MORC1: variants seen among roughly 807,000 people sequenced by gnomAD.
MORC1 encodes the protein MORC family CW-type zinc finger 1, also known as MORC family CW-type zinc finger protein 1.
Under a neutral mutation model 134.9 loss-of-function variants are expected in MORC1, and 59 were observed. The observed-to-expected ratio is 0.44, with a 90% CI of 0.35 to 0.54. The LOEUF is 0.54. MORC1 is among the 20% of genes least tolerant of loss of function. The probability of loss-of-function intolerance (pLI) is 0.00; values close to 1 mark genes in which losing one functional copy is unlikely to be tolerated. For synonymous variants in MORC1, 395 were observed against 391.7 expected (o/e 1.01, Z -0.10); for missense variants, 947 against 1,134.5 (o/e 0.83, Z 2.37).
chr3:108,978,356 C>T (rs1947621510), intron 24 of MORC1, among the ~76,000 whole-genome samples: 1 of 152,168 alleles, frequency 6.6e-6, no homozygotes, highest in Admixed American at 6.5e-5. Context: ...GTCTCTGGAT[C>T]CCTAGTGTCA....
chr3:109,049,259 G>T (rs147227413), intron 14 of MORC1: 26 of 371,072 alleles, frequency 7.0e-5, no homozygotes, highest in Non-Finnish European at 9.7e-5. Context: ...AGGTACTACA[G>T]CATTGTCTAT....
intron 22 of MORC1, among the ~76,000 whole-genome samples, chr3:108,985,040 A>AT (rs774230651): frequency 6.6e-5 from 10 of 152,136 alleles, no homozygotes; most frequent in African/African-American, 9.7e-5. Context: ...TTAAATGGAC[A>AT]TTTTTTACCA....
chr3:109,008,273 C>T (rs1025152853), intron 17 of MORC1, among the ~76,000 whole-genome samples: 1 of 151,960 alleles, frequency 6.6e-6, no homozygotes, highest in Non-Finnish European at 1.5e-5. Context: ...AATCAATTTC[C>T]AAAAGTGACA....
At chr3:109,018,237 T>C (rs560414281) in intron 17 of MORC1, among the ~76,000 whole-genome samples, 68 of 152,162 alleles carry the variant, frequency 4.5e-4, no homozygotes, top group Non-Finnish European at 8.8e-4. Flanking sequence ...CTTTTATGTT[T>C]CTGTACAGTT....
chr3:109,044,288 A>C (rs1206032839), intron 14 of MORC1, among the ~76,000 whole-genome samples: 1 of 152,152 alleles, frequency 6.6e-6, no homozygotes, highest in Non-Finnish European at 1.5e-5. Context: ...GGAAAAAAAA[A>C]AGGGAAATAC....
intron 20 of MORC1, 25 bp downstream of exon 20, chr3:109,004,792 T>C (rs749558841): frequency 6.2e-7 from 1 of 1,602,734 alleles, no homozygotes; most frequent in South Asian, 1.1e-5. Context: ...CTCCCTTAAA[T>C]ACAAATTTAA....
chr3:109,039,933 C>T, intron 14 of MORC1, among the ~76,000 whole-genome samples: 1 of 151,936 alleles, frequency 6.6e-6, no homozygotes, highest in Non-Finnish European at 1.5e-5. Context: ...TTATGGAAAC[C>T]AGACATTGAA....
chr3:108,993,203 C>T (rs1370683313), intron 21 of MORC1, among the ~76,000 whole-genome samples: 2 of 152,154 alleles, frequency 1.3e-5, no homozygotes, highest in African/African-American at 4.8e-5. Flanking sequence ...TCCTTCAGCA[C>T]AACAATCAGA....
chr3:109,027,953 A>G, intron 16 of MORC1, 64 bp from the exon 17 acceptor site: 1 of 1,519,724 alleles, frequency 6.6e-7, no homozygotes. Context: ...CTGTCTGTAA[A>G]AGACGATTTA....
chr3:109,082,427 CCAAA>C (rs987744850), intron 8 of MORC1, among the ~76,000 whole-genome samples: 4 of 151,852 alleles, frequency 2.6e-5, no homozygotes, highest in African/African-American at 7.3e-5. Flanking sequence ...CAGGACCTGC[CCAAA>C]CAAAGCAAGG....
chr3:108,996,286 G>GCACGCACACACACACACA (rs1553745331), intron 21 of MORC1, among the ~76,000 whole-genome samples: 1 of 146,382 alleles, frequency 6.8e-6, no homozygotes, highest in East Asian at 2.0e-4. Context: ...GCGCGCGCGC[G>GCACGCACACACACACACA]CACACACACA....
chr3:108,961,624 G>A (rs1449813295), intron 27 of MORC1, among the ~76,000 whole-genome samples: 2 of 152,164 alleles, frequency 1.3e-5, no homozygotes, highest in African/African-American at 4.8e-5. Context: ...CATGTGGGGC[G>A]ATGAGAGTAA....
intron 8 of MORC1, among the ~76,000 whole-genome samples, chr3:109,076,957 C>T (rs1237316292): frequency 1.5e-5 from 2 of 135,634 alleles, no homozygotes; most frequent in Admixed American, 7.9e-5. Context: ...GCACATGTAT[C>T]CCAGAACTTA....
At chr3:109,107,144 G>A (rs577724281) in intron 3 of MORC1, among the ~76,000 whole-genome samples, 1 of 152,180 alleles carries the variant, frequency 6.6e-6, no homozygotes, top group South Asian at 2.1e-4. Flanking sequence ...TCACTCACCA[G>A]GCGAATGTCT....
At chr3:109,103,723 G>A in intron 4 of MORC1, 126 bp downstream of exon 4, 2 of 786,720 alleles carry the variant, frequency 2.5e-6, no homozygotes, top group East Asian at 2.7e-5. Flanking sequence ...TCAACAAAAA[G>A]TCTGGGGCTT....
intron 8 of MORC1, among the ~76,000 whole-genome samples, chr3:109,077,502 G>A (rs948521530): frequency 2.6e-5 from 4 of 151,944 alleles, no homozygotes; most frequent in Admixed American, 2.6e-4. Context: ...TCTACAGTTT[G>A]AAAATAAAAT....
chr3:109,035,299 G>A (rs9821261), intron 15 of MORC1, 41 bp downstream of exon 15: 599,690 of 1,507,722 alleles, frequency 0.4, 124,726 homozygotes, highest in Middle Eastern at 0.55. Flanking sequence ...ATATTTAAGA[G>A]CCCTTAACAT....
chr3:109,081,646 G>T (rs1311968273), intron 8 of MORC1, among the ~76,000 whole-genome samples: 1 of 151,954 alleles, frequency 6.6e-6, no homozygotes, highest in African/African-American at 2.4e-5. Context: ...CTAGAGACAG[G>T]GTTTCAGTAT....
intron 25 of MORC1, among the ~76,000 whole-genome samples, chr3:108,970,924 ATC>A (rs1436802587): frequency 6.6e-6 from 1 of 152,132 alleles, no homozygotes; most frequent in Non-Finnish European, 1.5e-5. Flanking sequence ...TTCTTCATCT[ATC>A]TCAGTGATGT....
Sources: gnomAD v4.1 joint callset for allele counts (sites outside exome capture counted in the v4.1 genomes callset) on GRCh38, gnomAD v4.1.1 for gene constraint, MANE v1.5 for transcripts, NCBI Gene and HGNC (gene_info 2026-07-23, HGNC 2026-07-21) for gene names.